The following DIAPH3 variants were observed in gnomAD, a reference collection of about 807,000 sequenced individuals.
DIAPH3 encodes the protein diaphanous related formin 3.
A neutral mutation model predicts 144.3 loss-of-function variants in DIAPH3; 117 were observed. The ratio of observed to expected loss-of-function variants is 0.81; its 90% CI spans 0.70 to 0.95. The LOEUF is 0.95. Ranked by LOEUF, DIAPH3 falls within the 40% of genes least tolerant of loss-of-function variation. DIAPH3 has a pLI of 0.00. For synonymous variants in DIAPH3, 519 were observed against 488.9 expected, an observed-to-expected ratio of 1.06 and a Z score of -0.81; for missense variants, 1,421 against 1,412.7, an observed-to-expected ratio of 1.01 and a Z score of -0.09.
chr13:59,737,928 A>G (rs1378154058), intron 27 of DIAPH3, among the ~76,000 whole-genome samples: 1 of 152,144 alleles, frequency 6.6e-6, no homozygotes, highest in Non-Finnish European at 1.5e-5. Context: ...GCACTTTGGG[A>G]GGCCGAGGTG....
chr13:60,137,762 T>TA (rs1380177265), intron 1 of DIAPH3, among the ~76,000 whole-genome samples: 1 of 148,738 alleles, frequency 6.7e-6, no homozygotes, highest in African/African-American at 2.5e-5. Context: ...TTTTTTTTTT[T>TA]AGACACAGTC....
At chr13:60,041,676 C>T (rs2055677428) in intron 5 of DIAPH3, among the ~76,000 whole-genome samples, 1 of 151,404 alleles carries the variant, frequency 6.6e-6, no homozygotes, top group African/African-American at 2.4e-5. Flanking sequence ...GCCTTCAGAA[C>T]ACACACACAC....
intron 27 of DIAPH3, among the ~76,000 whole-genome samples, chr13:59,748,987 G>C (rs1242838866): frequency 3.3e-5 from 5 of 152,050 alleles, no homozygotes; most frequent in African/African-American, 1.2e-4. Flanking sequence ...GCCGAGGTGT[G>C]TGGATTACTT....
Position 60,143,746 on chromosome 13 carries a change from C to T in DIAPH3, c.181-10757G>A, listed in dbSNP as rs139103071. Among the ~76,000 whole-genome samples the T allele has an allele frequency of 4.2e-3, 636 of 152,296 alleles. 2 individuals are homozygous for T. Among genetic ancestry groups the T allele is most frequent in the Non-Finnish European group, 7.2e-3 (491 of 68,012 alleles). On this transcript the variant is annotated intron_variant, in intron 1 of 27. Coordinates refer to ENST00000400324, the MANE Select transcript of DIAPH3 (RefSeq NM_001042517.2). The stretch of plus-strand genomic sequence containing the variant: ...TTTGCTGGGTGTCAGTTATGTTGGG[C>T]TGCCCTCTGGGGCCTTTCACATGCT...
chr13:59,770,937 A>T (rs1339822522), intron 27 of DIAPH3, among the ~76,000 whole-genome samples: 1 of 152,148 alleles, frequency 6.6e-6, no homozygotes, highest in African/African-American at 2.4e-5. Context: ...TTTACAGCCA[A>T]AGCAAAAGAT....
intron 27 of DIAPH3, among the ~76,000 whole-genome samples, chr13:59,667,416 T>C (rs1223081053): frequency 1.3e-5 from 2 of 152,198 alleles, no homozygotes; most frequent in African/African-American, 4.8e-5. Flanking sequence ...TAAATATTTG[T>C]TGGATAAATA....
At chr13:60,064,418 G>T (rs2056882892) in intron 4 of DIAPH3, among the ~76,000 whole-genome samples, 1 of 152,202 alleles carries the variant, frequency 6.6e-6, no homozygotes, top group Non-Finnish European at 1.5e-5. Context: ...TGCTGCAGCT[G>T]CTACATCAGC....
intron 4 of DIAPH3, among the ~76,000 whole-genome samples, chr13:60,077,136 T>C (rs1009153156): frequency 2.0e-5 from 3 of 152,222 alleles, no homozygotes; most frequent in African/African-American, 7.2e-5. Context: ...ACTTGATTAC[T>C]AAACAAGTTA....
chr13:59,787,608 T>C (rs2039105997), intron 25 of DIAPH3, among the ~76,000 whole-genome samples: 1 of 152,086 alleles, frequency 6.6e-6, no homozygotes, highest in Non-Finnish European at 1.5e-5. Flanking sequence ...AATGAAAGGA[T>C]AAGCTGGAAA....
At chr13:60,070,164 T>G (rs149479987) in intron 4 of DIAPH3, among the ~76,000 whole-genome samples, 1 of 152,124 alleles carries the variant, frequency 6.6e-6, no homozygotes, top group African/African-American at 2.4e-5. Flanking sequence ...CTCAGCAATG[T>G]TTTGTAATTT....
At position 59,986,964 on chromosome 13, in the gene DIAPH3, C is replaced by T. The variant is rs948809053; in HGVS notation, c.1362-3077G>A. Among the ~76,000 whole-genome samples, 422 of 151,474 alleles carry T rather than the reference C, an allele frequency of 2.8e-3. 2 individuals are homozygous for T. The highest frequency in any genetic ancestry group is 9.7e-3 in the South Asian group (46 of 4,736). On this transcript the variant is annotated intron_variant, in intron 12 of 27. Coordinates refer to ENST00000400324, the MANE Select transcript of DIAPH3 (RefSeq NM_001042517.2). The stretch of plus-strand genomic sequence containing the variant: ...TAGAAATACCATTTGACCCAGCCAT[C>T]CCATTACTGGGTATATACCCAAATG...
chr13:60,118,905 A>G (rs1222622745), intron 2 of DIAPH3, among the ~76,000 whole-genome samples: 1 of 152,236 alleles, frequency 6.6e-6, no homozygotes, highest in Admixed American at 6.5e-5. Context: ...CTTATCCGTC[A>G]CAGCACACAG....
chr13:59,667,709 A>G (rs1300361308), intron 27 of DIAPH3, among the ~76,000 whole-genome samples: 1 of 152,232 alleles, frequency 6.6e-6, no homozygotes, highest in Admixed American at 6.5e-5. Context: ...GATGGTAATG[A>G]TGACTTTTAA....
At chr13:59,882,851 A>G (rs1209667472) in intron 20 of DIAPH3, among the ~76,000 whole-genome samples, 1 of 152,198 alleles carries the variant, frequency 6.6e-6, no homozygotes, top group Non-Finnish European at 1.5e-5. Context: ...GATCAATCCA[A>G]AAAAGGAAAA....
intron 4 of DIAPH3, among the ~76,000 whole-genome samples, chr13:60,065,302 A>C (rs2056914979): frequency 6.6e-6 from 1 of 151,468 alleles, no homozygotes; most frequent in Non-Finnish European, 1.5e-5. Context: ...CCAATAAAGC[A>C]AGGCATAATA....
chr13:59,881,024 A>C (rs1316489804), intron 20 of DIAPH3, among the ~76,000 whole-genome samples: 13 of 150,516 alleles, frequency 8.6e-5, no homozygotes, highest in Non-Finnish European at 1.9e-4. Flanking sequence ...CATTAAGTTT[A>C]TAGAGTAAGT....
At chr13:59,688,855 A>T (rs1593583218) in intron 27 of DIAPH3, among the ~76,000 whole-genome samples, 1 of 152,080 alleles carries the variant, frequency 6.6e-6, no homozygotes, top group African/African-American at 2.4e-5. Context: ...GACAGGCCAC[A>T]CTCATGCAGA....
intron 25 of DIAPH3, among the ~76,000 whole-genome samples, chr13:59,778,700 T>G (rs1311801020): frequency 6.6e-6 from 1 of 152,212 alleles, no homozygotes; most frequent in Non-Finnish European, 1.5e-5. Flanking sequence ...CTGCTGTTCC[T>G]TTTCTAACTA....
intron 27 of DIAPH3, among the ~76,000 whole-genome samples, chr13:59,751,628 G>A (rs1022025458): frequency 1.3e-5 from 2 of 152,184 alleles, no homozygotes; most frequent in Non-Finnish European, 2.9e-5. Context: ...CTGGATGTCT[G>A]TAATTGTATG....
Sources: gnomAD v4.1 joint callset for allele counts (sites outside exome capture counted in the v4.1 genomes callset) on GRCh38, gnomAD v4.1.1 for gene constraint, MANE v1.5 for transcripts, NCBI Gene and HGNC (gene_info 2026-07-23, HGNC 2026-07-21) for gene names.